Variants in KLHL1 observed in about 807,000 individuals in gnomAD.
The protein encoded by KLHL1 is kelch-like protein 1.
KLHL1 carries 47 observed loss-of-function variants against 77.7 expected under a neutral mutation model. The observed-to-expected ratio is 0.60, with a 90% confidence interval of 0.48 to 0.77. KLHL1 has a LOEUF of 0.77. Ranked by LOEUF, KLHL1 falls within the 30% of genes least tolerant of loss-of-function variation. KLHL1 has a pLI of 0.00. For missense variants in KLHL1, 925 were observed against 910.8 expected (o/e 1.02, Z -0.20); for synonymous variants, 360 against 325.2 (o/e 1.11, Z -1.15).
rs1446413981 is a variant in KLHL1 at position 69,740,405 on chromosome 13, T to C, written c.1791A>G (p.Ala597=). 3 of 1,574,548 alleles carry C rather than the reference T, an allele frequency of 1.9e-6. No individual in the cohort carries two copies. The highest frequency in any genetic ancestry group is 1.7e-5 in the Admixed American group (1 of 57,372). Residue 597 remains alanine, a synonymous_variant, in exon 8 of 11, where the codon GCA becomes GCG. Transcript: ENST00000377844. ...SIARSTVGVA[A]LNGKLYSVGG... is the part of the protein sequence containing the mutation. ...AAAAATTTACTTACTTGCCATTCAA[T>C]GCTGCTACACCAACTGTGCTCCGAG...
intron 1 of KLHL1, among the ~76,000 whole-genome samples, chr13:70,106,256 C>T (rs1888053803): frequency 6.6e-6 from 1 of 151,850 alleles, no homozygotes; most frequent in African/African-American, 2.4e-5. Context: ...TTATCATTTT[C>T]CTATATTTCT....
chr13:69,884,940 T>TTTC lies in KLHL1; in HGVS notation c.1015-2446_1015-2445insGAA, dbSNP rs1566363372. 3.1e-4 allele frequency among the ~76,000 whole-genome samples: 41 copies of TTTC among 133,386 alleles called. 1 individual carries two copies. Among genetic ancestry groups the TTTC allele is most frequent in the Middle Eastern group, 7.7e-3 (2 of 260 alleles). 87.5% of individuals were successfully genotyped at this position (133,386 alleles called of 152,430 possible). On this transcript the variant is annotated intron_variant, in intron 4 of 10. Coordinates refer to ENST00000377844, the MANE Select transcript of KLHL1 (RefSeq NM_020866.3). ...CTACAGCACTTTTTCTTTTCTTTTT[T>TTTC]TTTTTTTTTTTGAGACGGAGTCTCG... is the stretch of plus-strand genomic sequence containing the variant.
chr13:69,873,870 C>G (rs1219901098), intron 5 of KLHL1, among the ~76,000 whole-genome samples: 1 of 152,222 alleles, frequency 6.6e-6, no homozygotes, highest in South Asian at 2.1e-4. Flanking sequence ...TTTGAAAAGA[C>G]CTCTACATCT....
At chr13:69,997,484 G>T (rs998411416) in intron 1 of KLHL1, among the ~76,000 whole-genome samples, 1 of 150,734 alleles carries the variant, frequency 6.6e-6, no homozygotes, top group Non-Finnish European at 1.5e-5. Context: ...TTCTAGCCAC[G>T]GGAAACCACC....
intron 1 of KLHL1, among the ~76,000 whole-genome samples, chr13:70,101,963 A>C (rs1593745398): frequency 6.6e-6 from 1 of 151,812 alleles, no homozygotes; most frequent in Non-Finnish European, 1.5e-5. Context: ...AAAAAAAAAA[A>C]CAAAGTAAAA....
At chr13:69,899,148 T>A (rs148350198) in intron 4 of KLHL1, among the ~76,000 whole-genome samples, 193 of 152,220 alleles carry the variant, frequency 1.3e-3, no homozygotes, top group African/African-American at 4.6e-3. Context: ...GCACAAAATT[T>A]ATTGGATATC....
chr13:70,041,929 T>G (rs1274079631), intron 1 of KLHL1, among the ~76,000 whole-genome samples: 2 of 152,156 alleles, frequency 1.3e-5, no homozygotes, highest in Non-Finnish European at 1.5e-5. Context: ...AAGAGTGGGC[T>G]GCAGGTTTTT....
intron 6 of KLHL1, among the ~76,000 whole-genome samples, chr13:69,816,255 AT>A (rs1348342636): frequency 2.0e-5 from 3 of 149,186 alleles, no homozygotes; most frequent in African/African-American, 2.5e-5. Context: ...AGAATGGAAA[AT>A]TTTTTTTCTT....
intron 1 of KLHL1, among the ~76,000 whole-genome samples, chr13:70,011,264 G>T (rs570555490): frequency 1.3e-5 from 2 of 152,244 alleles, no homozygotes; most frequent in East Asian, 3.9e-4. Context: ...TACATTAAAT[G>T]CTTTGGAAGT....
chr13:69,878,699 T>C (rs1350433290), intron 5 of KLHL1, among the ~76,000 whole-genome samples: 2 of 147,880 alleles, frequency 1.4e-5, no homozygotes, highest in Non-Finnish European at 3.0e-5. Context: ...TGTGTATGCA[T>C]ATATATATAT....
chr13:70,091,896 A>AT (rs1021766505), intron 1 of KLHL1, among the ~76,000 whole-genome samples: 5 of 151,800 alleles, frequency 3.3e-5, no homozygotes, highest in East Asian at 3.9e-4. Context: ...GTGTAGATAA[A>AT]TTTTTTGCAA....
At chr13:69,721,755 T>C (rs898126272) in intron 8 of KLHL1, among the ~76,000 whole-genome samples, 2 of 152,124 alleles carry the variant, frequency 1.3e-5, no homozygotes, top group Admixed American at 6.6e-5. Context: ...TAGTAAAATA[T>C]ATCTGATTGC....
intron 5 of KLHL1, among the ~76,000 whole-genome samples, chr13:69,880,630 G>A (rs1880952159): frequency 6.6e-6 from 1 of 152,038 alleles, no homozygotes; most frequent in Admixed American, 6.6e-5. Context: ...AAGCCAACAG[G>A]ACATCTCTGA....
chr13:69,804,176 C>T (rs909936338), intron 6 of KLHL1, among the ~76,000 whole-genome samples: 8 of 152,132 alleles, frequency 5.3e-5, no homozygotes, highest in African/African-American at 1.9e-4. Context: ...CTACTTTCCT[C>T]ATGACAAAAC....
At chr13:69,797,224 A>G (rs2138039120) in intron 6 of KLHL1, among the ~76,000 whole-genome samples, 1 of 152,352 alleles carries the variant, frequency 6.6e-6, no homozygotes, top group South Asian at 2.1e-4. Flanking sequence ...GATTCTATAG[A>G]AACATTGGTG....
chr13:69,856,874 T>G (rs775993237), intron 5 of KLHL1, among the ~76,000 whole-genome samples: 4 of 152,056 alleles, frequency 2.6e-5, no homozygotes, highest in Middle Eastern at 3.2e-3. Context: ...TACAATTTCA[T>G]AGTAATCCTT....
rs78048976 is a variant in KLHL1, at chr13:69,769,336, A to T, written c.1639+27402T>A. Among the ~76,000 whole-genome samples, 717 of 152,300 alleles carry T rather than the reference A, an allele frequency of 4.7e-3. 35 individuals are homozygous for T. In the East Asian group the frequency reaches 0.12, roughly 25 times the overall value. ...CTTGGTAAAATATTTCATGTTCTAA[A>T]TCTCAGTGTATAATAGTATAGGGGA... is the stretch of plus-strand genomic sequence containing the variant. On this transcript the variant is annotated intron_variant, in intron 7 of 10. Transcript: ENST00000377844.
At chr13:69,823,995 TATATGTGC>T (rs1878446808) in intron 6 of KLHL1, among the ~76,000 whole-genome samples, 1 of 151,882 alleles carries the variant, frequency 6.6e-6, no homozygotes, top group Non-Finnish European at 1.5e-5. Flanking sequence ...TATATATATG[TATATGTGC>T]ATATATATAT....
At chr13:70,056,061 C>T (rs945507625) in intron 1 of KLHL1, among the ~76,000 whole-genome samples, 1 of 151,866 alleles carries the variant, frequency 6.6e-6, no homozygotes, top group Non-Finnish European at 1.5e-5. Flanking sequence ...ATCAAACATA[C>T]AAAACTAGAA....
Sources: allele counts gnomAD v4.1 joint callset (sites outside exome capture counted in the v4.1 genomes callset), GRCh38; gene constraint gnomAD v4.1.1; transcripts MANE v1.5; gene names NCBI Gene and HGNC (gene_info 2026-07-23, HGNC 2026-07-21).